The following ACYP2 variants were observed in gnomAD, a reference collection of about 807,000 sequenced individuals.
The protein encoded by ACYP2 is acylphosphatase-2.
Under a neutral mutation model 11.2 loss-of-function variants are expected in ACYP2, and 12 were observed. That is an observed-to-expected ratio of 1.08 (90% CI 0.69 to 1.74). ACYP2 has a LOEUF of 1.74. ACYP2 is among the 40% of genes most tolerant of loss of function. The probability of loss-of-function intolerance (pLI) is 0.00; values close to 1 mark genes in which losing one functional copy is unlikely to be tolerated. For missense variants in ACYP2, 134 were observed against 101.9 expected, an observed-to-expected ratio of 1.31 and a Z score of -1.35; for synonymous variants, 43 against 32.2, an observed-to-expected ratio of 1.33 and a Z score of -1.13.
chr2:54,067,281 T>G (rs1047400481), intron 4 of ACYP2, among the ~76,000 whole-genome samples: 2 of 152,218 alleles, frequency 1.3e-5, no homozygotes, highest in African/African-American at 2.4e-5. Flanking sequence ...TTGCTACATC[T>G]TCATATTTTT....
chr2:54,105,349 G>A (rs992824306), intron 4 of ACYP2, among the ~76,000 whole-genome samples: 5 of 152,074 alleles, frequency 3.3e-5, no homozygotes, highest in Non-Finnish European at 5.9e-5. Context: ...TTCCCTCTGC[G>A]TGGATTAAGT....
At chr2:53,974,122 G>T (rs1482608872) in intron 2 of ACYP2, among the ~76,000 whole-genome samples, 2 of 151,406 alleles carry the variant, frequency 1.3e-5, no homozygotes, top group African/African-American at 4.9e-5. Flanking sequence ...CACCATATTG[G>T]CCAGGCTGGT....
At chr2:54,134,312 GTAAA>G (rs199837390) in intron 4 of ACYP2, among the ~76,000 whole-genome samples, 8 of 151,724 alleles carry the variant, frequency 5.3e-5, no homozygotes, top group Non-Finnish European at 7.4e-5. Context: ...AAATAAGTAA[GTAAA>G]TAAATAAATA....
intron 4 of ACYP2, among the ~76,000 whole-genome samples, chr2:54,075,622 G>T (rs1167917381): frequency 2.0e-5 from 3 of 152,044 alleles, no homozygotes; most frequent in East Asian, 3.8e-4. Flanking sequence ...AGACCAGCGT[G>T]GCCAATATGG....
Position 54,233,305 on chromosome 2 carries a change from CTT to C in ACYP2, c.405-71365_405-71364del, listed in dbSNP as rs1213428258. ...AACATATGTATCATTCCCTTCCAAA[CTT>C]TTTTTTTTTTTTTTTTTGAGACAGG... On this transcript the variant is annotated intron_variant, in intron 6 of 6. Coordinates refer to ENST00000607452, the MANE Select transcript of ACYP2 (RefSeq NM_001320586.2). Among the ~76,000 whole-genome samples the C allele has an allele frequency of 3.1e-3, 396 of 129,164 alleles. 1 individual carries two copies. Among genetic ancestry groups the C allele is most frequent in the Admixed American group, 5.8e-3 (73 of 12,580 alleles). The allele number at this position is 129,164 out of a possible 152,430, so 84.7% of individuals were successfully genotyped here. A position where few individuals can be genotyped will look rare whatever the true frequency, so the allele number is the denominator to read the frequency against.
chr2:54,143,757 T>TGGG (rs1459032230), intron 6 of ACYP2, among the ~76,000 whole-genome samples: 23 of 19,242 alleles, frequency 1.2e-3, no homozygotes, highest in African/African-American at 3.8e-3. Flanking sequence ...TTTTTTTTTT[T>TGGG]GGGGGGGGGG....
At chr2:54,247,837 C>G (rs946752205) in intron 6 of ACYP2, among the ~76,000 whole-genome samples, 3 of 152,170 alleles carry the variant, frequency 2.0e-5, no homozygotes, top group Non-Finnish European at 4.4e-5. Flanking sequence ...TCTGGATTTA[C>G]CACCACCTGG....
At chr2:53,996,819 C>A (rs1046116321) in intron 2 of ACYP2, among the ~76,000 whole-genome samples, 11 of 152,188 alleles carry the variant, frequency 7.2e-5, no homozygotes, top group African/African-American at 2.4e-4. Context: ...TCTCCTAATT[C>A]TTCTTCTTTG....
At chr2:54,125,623 G>A (rs1181029408) in intron 4 of ACYP2, among the ~76,000 whole-genome samples, 13 of 151,988 alleles carry the variant, frequency 8.6e-5, no homozygotes, top group Admixed American at 7.2e-4. Flanking sequence ...GGTGGCAGGC[G>A]CCTGTAATCC....
At chr2:54,000,656 G>C (rs982281685) in intron 2 of ACYP2, among the ~76,000 whole-genome samples, 8 of 152,210 alleles carry the variant, frequency 5.3e-5, no homozygotes, top group Non-Finnish European at 7.3e-5. Context: ...TAAGGAACTA[G>C]AAGTTGGAGT....
At chr2:54,196,748 T>A (rs920410671) in intron 6 of ACYP2, among the ~76,000 whole-genome samples, 44 of 129,904 alleles carry the variant, frequency 3.4e-4, no homozygotes, top group African/African-American at 6.2e-4. Context: ...TGTCTCCATA[T>A]ATTGGTCACA....
chr2:54,224,828 C>T (rs1440792986), intron 6 of ACYP2, among the ~76,000 whole-genome samples: 4 of 152,144 alleles, frequency 2.6e-5, no homozygotes, highest in Non-Finnish European at 5.9e-5. Context: ...TACCTTAAAA[C>T]GTTGTAAGGT....
intron 6 of ACYP2, among the ~76,000 whole-genome samples, chr2:54,148,789 T>G (rs571434570): frequency 1.3e-5 from 2 of 152,320 alleles, no homozygotes; most frequent in South Asian, 4.1e-4. Flanking sequence ...AAAAATGAAT[T>G]TATTCCTCTA....
At chr2:54,252,002 T>G (rs1419693032) in intron 6 of ACYP2, among the ~76,000 whole-genome samples, 3 of 152,196 alleles carry the variant, frequency 2.0e-5, no homozygotes, top group Non-Finnish European at 4.4e-5. Flanking sequence ...GACTATTGAG[T>G]TGTAAGGTCC....
chr2:54,131,240 T>G (rs1680881843), intron 4 of ACYP2, among the ~76,000 whole-genome samples: 1 of 152,258 alleles, frequency 6.6e-6, no homozygotes, highest in African/African-American at 2.4e-5. Context: ...ATCAATAGAT[T>G]GGAGCAGGTA....
chr2:54,051,556 T>C, intron 3 of ACYP2: 1 of 742,532 alleles, frequency 1.3e-6, no homozygotes, highest in South Asian at 1.4e-5. Context: ...GAGATCATCT[T>C]GGCCTGTCCA....
At chr2:54,005,228 G>A (rs761653984) in intron 2 of ACYP2, among the ~76,000 whole-genome samples, 1 of 152,050 alleles carries the variant, frequency 6.6e-6, no homozygotes, top group Admixed American at 6.6e-5. Context: ...GTGTGTGCAT[G>A]TATGTGTGTA....
At chr2:54,022,851 C>A (rs994529137) in intron 2 of ACYP2, among the ~76,000 whole-genome samples, 2 of 152,132 alleles carry the variant, frequency 1.3e-5, no homozygotes, top group African/African-American at 2.4e-5. Context: ...AATGGACAGG[C>A]CTTGCTGTTT....
At chr2:54,158,989 T>A (rs911436928) in intron 6 of ACYP2, among the ~76,000 whole-genome samples, 1 of 152,154 alleles carries the variant, frequency 6.6e-6, no homozygotes, top group Non-Finnish European at 1.5e-5. Flanking sequence ...TTGATATTCT[T>A]CAGAGTTAGG....
Sources: allele counts gnomAD v4.1 joint callset (sites outside exome capture counted in the v4.1 genomes callset), GRCh38; gene constraint gnomAD v4.1.1; transcripts MANE v1.5; gene names NCBI Gene and HGNC (gene_info 2026-07-23, HGNC 2026-07-21).